DCDC2C: variants seen among roughly 807,000 people sequenced by gnomAD.
DCDC2C encodes doublecortin domain containing 2C.
DCDC2C carries 44 observed loss-of-function variants against 45.0 expected under a neutral mutation model. That is an observed-to-expected ratio of 0.98 (90% CI 0.77 to 1.26). DCDC2C has a LOEUF of 1.26. Ranked by LOEUF, DCDC2C falls within the 50% of genes most tolerant of loss-of-function variation. The pLI, the probability that DCDC2C is intolerant of heterozygous loss-of-function variation, is 0.00. For synonymous variants in DCDC2C, 187 were observed against 178.8 expected, an observed-to-expected ratio of 1.05 and a Z score of -0.37; for missense variants, 447 against 468.9, an observed-to-expected ratio of 0.95 and a Z score of 0.43.
chr2:3,811,450 A>G (rs780172412), intron 10 of DCDC2C, among the ~76,000 whole-genome samples: 1 of 152,150 alleles, frequency 6.6e-6, no homozygotes, highest in Non-Finnish European at 1.5e-5. Context: ...ACTTTGCTGA[A>G]GTTGCTTATC....
intron 3 of DCDC2C, among the ~76,000 whole-genome samples, chr2:3,739,130 TAC>T (rs1235001686): frequency 7.9e-5 from 12 of 152,236 alleles, no homozygotes; most frequent in Non-Finnish European, 1.2e-4. Flanking sequence ...CAAAAAAATT[TAC>T]AGATTTTTCT....
At chr2:3,810,662 G>C (rs566857535) in intron 10 of DCDC2C, among the ~76,000 whole-genome samples, 4 of 152,148 alleles carry the variant, frequency 2.6e-5, no homozygotes, top group African/African-American at 7.2e-5. Context: ...GCCCATGCCT[G>C]TGTCCTGAAT....
chr2:3,771,862 G>A (rs1037585479), intron 8 of DCDC2C, among the ~76,000 whole-genome samples: 11 of 152,264 alleles, frequency 7.2e-5, no homozygotes, highest in Admixed American at 4.6e-4. Context: ...CATGGACACA[G>A]GGAAGGTGCG....
chr2:3,769,514 G>T (rs1179871339), intron 8 of DCDC2C, 103 bp downstream of exon 8: 14 of 1,035,878 alleles, frequency 1.4e-5, no homozygotes, highest in Non-Finnish European at 2.0e-5. Context: ...ATTCTCTCTG[G>T]ACTCTAGAAT....
At chr2:3,812,820 C>G (rs550926782) in intron 10 of DCDC2C, among the ~76,000 whole-genome samples, 14 of 152,136 alleles carry the variant, frequency 9.2e-5, no homozygotes, top group Admixed American at 3.9e-4. Context: ...TGATTTCTGT[C>G]TCAATTTCAT....
intron 8 of DCDC2C, 83 bp downstream of exon 8, chr2:3,769,494 C>T: frequency 8.1e-7 from 1 of 1,231,314 alleles, no homozygotes. Flanking sequence ...CCTTCACCCT[C>T]TCCCTGCAAA....
At position 3,703,623 on chromosome 2, in the gene DCDC2C, C is replaced by CCGTCCCGTCCT. The variant is rs1422479540; in HGVS notation, c.-124_-123insCGTCCTCGTCC. The CCGTCCCGTCCT allele has an allele frequency of 2.0e-5, 19 of 938,702 alleles. No homozygotes were observed. Among genetic ancestry groups the CCGTCCCGTCCT allele is most frequent in the African/African-American group, 1.7e-4 (10 of 57,758 alleles). 58.1% of individuals were successfully genotyped at this position (938,702 alleles called of 1,614,324 possible). ...CCCCCGTCCCGTCCCCGTCCCGTCC[C>CCGTCCCGTCCT]CGTCCTGCGCCAGCGGCTGGAGCGG... On this transcript the variant is annotated 5_prime_UTR_variant, in exon 1 of 11. Coordinates refer to ENST00000399143, the MANE Select transcript of DCDC2C (RefSeq NM_001287444.2). This position sits in a 1 kb window ranked among gnomAD's most constrained non-coding sequence, Gnocchi z 4.4.
intron 5 of DCDC2C, 83 bp downstream of exon 5, chr2:3,752,983 T>C: frequency 7.2e-7 from 1 of 1,384,968 alleles, no homozygotes; most frequent in Non-Finnish European, 9.7e-7. Context: ...ATAGGTCCAG[T>C]TCAGCTATTG....
intron 6 of DCDC2C, among the ~76,000 whole-genome samples, chr2:3,759,403 C>A (rs1669816159): frequency 6.6e-6 from 1 of 152,172 alleles, no homozygotes; most frequent in South Asian, 2.1e-4. Context: ...TTTTAAATGG[C>A]ACTTCCTTTC....
At chr2:3,739,675 G>A (rs1282297700) in intron 3 of DCDC2C, among the ~76,000 whole-genome samples, 2 of 152,346 alleles carry the variant, frequency 1.3e-5, no homozygotes, top group South Asian at 2.1e-4. Context: ...TGAGAGCTAC[G>A]TCCACTCAAT....
chr2:3,733,207 G>A (rs1233445248), intron 3 of DCDC2C, among the ~76,000 whole-genome samples: 2 of 152,258 alleles, frequency 1.3e-5, no homozygotes, highest in East Asian at 3.8e-4. Flanking sequence ...AGTGAAGGAA[G>A]GGTCCAGTGT....
chr2:3,752,602 G>T, intron 4 of DCDC2C, 161 bp from the exon 5 acceptor site: 2 of 797,986 alleles, frequency 2.5e-6, no homozygotes, highest in Non-Finnish European at 2.1e-6. Context: ...AGCAGTTCCC[G>T]TCGGGTTTAA....
chr2:3,846,749 C>T (rs945364557), intron 10 of DCDC2C, among the ~76,000 whole-genome samples: 1 of 151,964 alleles, frequency 6.6e-6, no homozygotes, highest in African/African-American at 2.4e-5. Flanking sequence ...ACCAAATGAT[C>T]CAGATTCAAA....
intron 3 of DCDC2C, among the ~76,000 whole-genome samples, chr2:3,737,816 C>T (rs1669074784): frequency 6.6e-6 from 1 of 152,302 alleles, no homozygotes; most frequent in Non-Finnish European, 1.5e-5. Flanking sequence ...GACCTATATG[C>T]TACTTCCCAT....
intron 8 of DCDC2C, among the ~76,000 whole-genome samples, chr2:3,774,184 T>G (rs1670264282): frequency 6.6e-6 from 1 of 152,230 alleles, no homozygotes; most frequent in Non-Finnish European, 1.5e-5. Flanking sequence ...CTTTGGCACT[T>G]TTATCTGTGT....
intron 2 of DCDC2C, among the ~76,000 whole-genome samples, chr2:3,722,178 C>T (rs1377676089): frequency 6.6e-6 from 1 of 152,176 alleles, no homozygotes; most frequent in Admixed American, 6.5e-5. Flanking sequence ...TGATCAAGGC[C>T]ACACAGCTAG....
At chr2:3,790,978 T>C (rs1022493660) in intron 10 of DCDC2C, among the ~76,000 whole-genome samples, 6 of 151,874 alleles carry the variant, frequency 4.0e-5, no homozygotes, top group Admixed American at 6.6e-5. Flanking sequence ...GGCGTGGTGG[T>C]GGGCACCTGT....
intron 4 of DCDC2C, among the ~76,000 whole-genome samples, chr2:3,745,015 T>G (rs1669320053): frequency 6.6e-6 from 1 of 152,226 alleles, no homozygotes; most frequent in Non-Finnish European, 1.5e-5. Context: ...ATTTTTAGAC[T>G]TGCTCTGTTG....
Position 3,785,220 on chromosome 2 carries a change from C to G in DCDC2C, c.1065+120C>G, listed in dbSNP as rs1287204092. ...CTTTTTAGGAATGTAACTTTTATGC[C>G]TCTGTCATACACCCTAGCTCTATTT... On this transcript the variant is annotated intron_variant, in intron 10 of 10. Coordinates refer to ENST00000399143, the MANE Select transcript of DCDC2C (RefSeq NM_001287444.2). 6.3e-6 allele frequency: 4 copies of G among 634,456 alleles called. No individual in the cohort carries two copies. In the Admixed American group the frequency reaches 1.7e-4, roughly 28 times the overall value. 39.3% of individuals were successfully genotyped at this position (634,456 alleles called of 1,614,324 possible). A position where few individuals can be genotyped will look rare whatever the true frequency, so the allele number is the denominator to read the frequency against.
Sources: allele counts gnomAD v4.1 joint callset (sites outside exome capture counted in the v4.1 genomes callset), GRCh38; gene constraint gnomAD v4.1.1; non-coding constraint Gnocchi (gnomAD v3.1); transcripts MANE v1.5; gene names NCBI Gene and HGNC (gene_info 2026-07-23, HGNC 2026-07-21).